ROBO2: variants seen among roughly 807,000 people sequenced by gnomAD.
ROBO2 encodes the protein roundabout homolog 2.
In ROBO2, 53 loss-of-function variants were observed where a neutral mutation model predicts 160.8. The ratio of observed to expected loss-of-function variants is 0.33; its 90% confidence interval spans 0.26 to 0.41. ROBO2 has a LOEUF of 0.41. Among genes scored for constraint, ROBO2 ranks in the 10% least tolerant of loss-of-function variants. The probability of loss-of-function intolerance (pLI) is 1.00; values close to 1 mark genes in which losing one functional copy is unlikely to be tolerated. For synonymous variants in ROBO2, 664 were observed against 611.7 expected (o/e 1.09, Z -1.26); for missense variants, 1,577 against 1,722.4 (o/e 0.92, Z 1.49).
At chr3:77,536,807 T>C (rs1371513535) in intron 6 of ROBO2, among the ~76,000 whole-genome samples, 1 of 152,190 alleles carries the variant, frequency 6.6e-6, no homozygotes, top group Non-Finnish European at 1.5e-5. Flanking sequence ...ATATTTTGCC[T>C]TCAAAAACAA....
intron 2 of ROBO2, among the ~76,000 whole-genome samples, chr3:77,010,889 CCTCT>C (rs1474945127): frequency 7.2e-6 from 1 of 138,582 alleles, no homozygotes; most frequent in Non-Finnish European, 1.6e-5. Context: ...TCCCTCCCTC[CCTCT>C]TTCTTCTCCT....
intron 2 of ROBO2, among the ~76,000 whole-genome samples, chr3:76,770,516 G>A (rs111973667): frequency 6.6e-6 from 1 of 151,240 alleles, no homozygotes; most frequent in East Asian, 2.0e-4. Context: ...GGGTCAGGGC[G>A]ATCTGTGAGT....
rs117689730 is a variant in ROBO2 at position 75,969,385 on chromosome 3, A to G, written c.109+31783A>G. ...TATACTGCAATAAACACGGGAATAC[A>G]GATATATCTTTCATATACTGATTTC... On this transcript the variant is annotated intron_variant, in intron 2 of 26. Transcript: ENST00000487694. Among the ~76,000 whole-genome samples, 1,002 of 151,488 alleles carry G rather than the reference A, an allele frequency of 6.6e-3. 65 individuals are homozygous for G. The East Asian group carries it at 0.17, about 25-fold the overall frequency.
chr3:77,584,932 A>G (rs997892313), intron 16 of ROBO2, among the ~76,000 whole-genome samples: 5 of 149,512 alleles, frequency 3.3e-5, no homozygotes, highest in Non-Finnish European at 7.4e-5. Context: ...ACATATATAT[A>G]CATATATATA....
intron 2 of ROBO2, among the ~76,000 whole-genome samples, chr3:77,306,818 A>G (rs1229470994): frequency 6.6e-6 from 1 of 152,300 alleles, no homozygotes; most frequent in East Asian, 1.9e-4. Flanking sequence ...TGAACTGGAC[A>G]ATCATTCACC....
At chr3:76,851,968 TAGA>T (rs2069447804) in intron 2 of ROBO2, among the ~76,000 whole-genome samples, 1 of 151,910 alleles carries the variant, frequency 6.6e-6, no homozygotes, top group Admixed American at 6.6e-5. Flanking sequence ...TTAGGCTTAA[TAGA>T]AGGAGAGAAA....
intron 1 of ROBO2, among the ~76,000 whole-genome samples, chr3:77,044,148 C>T (rs1341448305): frequency 6.6e-6 from 1 of 150,818 alleles, no homozygotes; most frequent in Non-Finnish European, 1.5e-5. Context: ...TTTCTTAGAA[C>T]ATTAAGCAAA....
At chr3:76,223,456 C>G (rs1302761654) in intron 2 of ROBO2, among the ~76,000 whole-genome samples, 1 of 151,958 alleles carries the variant, frequency 6.6e-6, no homozygotes, top group Non-Finnish European at 1.5e-5. Context: ...GAAGCCACAA[C>G]CACTGAGAGT....
At chr3:76,628,147 T>C (rs2089785283) in intron 2 of ROBO2, among the ~76,000 whole-genome samples, 1 of 152,196 alleles carries the variant, frequency 6.6e-6, no homozygotes, top group East Asian at 1.9e-4. Flanking sequence ...GTAGAATAAG[T>C]GTGCCTGCTA....
chr3:76,122,998 C>T (rs902344891), intron 2 of ROBO2, among the ~76,000 whole-genome samples: 7 of 151,968 alleles, frequency 4.6e-5, no homozygotes, highest in East Asian at 1.9e-4. Flanking sequence ...CTGCCCACCT[C>T]GGCCTCCCAA....
chr3:76,824,875 C>T (rs2066428577), intron 2 of ROBO2, among the ~76,000 whole-genome samples: 1 of 152,124 alleles, frequency 6.6e-6, no homozygotes, highest in Admixed American at 6.6e-5. Flanking sequence ...GTAGCTGTGG[C>T]CTCGGGATAG....
At chr3:75,920,757 G>A (rs536538864) in intron 1 of ROBO2, among the ~76,000 whole-genome samples, 1 of 152,108 alleles carries the variant, frequency 6.6e-6, no homozygotes, top group African/African-American at 2.4e-5. Flanking sequence ...TCTTCTTGTT[G>A]CATTGATCCC....
intron 1 of ROBO2, among the ~76,000 whole-genome samples, chr3:75,913,967 A>G (rs1946706364): frequency 6.6e-6 from 1 of 152,184 alleles, no homozygotes; most frequent in Admixed American, 6.5e-5. Flanking sequence ...AGCCTTTGAA[A>G]TCTTTCTGTA....
intron 2 of ROBO2, among the ~76,000 whole-genome samples, chr3:76,547,791 T>C (rs2083195482): frequency 6.6e-6 from 1 of 152,148 alleles, no homozygotes. Context: ...AAAATCACGT[T>C]ACTCATCTGA....
chr3:77,120,899 G>A (rs989400415), intron 2 of ROBO2, among the ~76,000 whole-genome samples: 1 of 152,060 alleles, frequency 6.6e-6, no homozygotes, highest in African/African-American at 2.4e-5. Context: ...TTTCTTATTA[G>A]TCAGTGTTAT....
chr3:76,843,478 C>T (rs1264621179), intron 2 of ROBO2, among the ~76,000 whole-genome samples: 2 of 151,878 alleles, frequency 1.3e-5, no homozygotes, highest in Admixed American at 1.3e-4. Context: ...GTGACATTTT[C>T]CTGAGCTCAG....
At chr3:76,132,407 G>GGT (rs2071264740) in intron 2 of ROBO2, among the ~76,000 whole-genome samples, 1 of 109,946 alleles carries the variant, frequency 9.1e-6, no homozygotes, top group Admixed American at 9.4e-5. Flanking sequence ...GGGGGGGGGG[G>GGT]GACGCAGATG....
chr3:76,914,887 T>C (rs1442574942), intron 2 of ROBO2, among the ~76,000 whole-genome samples: 1 of 152,160 alleles, frequency 6.6e-6, no homozygotes, highest in East Asian at 1.9e-4. Flanking sequence ...AAGAACAGCA[T>C]CCCATTCTTA....
chr3:76,211,910 C>G (rs1274604173), intron 2 of ROBO2, among the ~76,000 whole-genome samples: 2 of 151,718 alleles, frequency 1.3e-5, no homozygotes, highest in Non-Finnish European at 2.9e-5. Flanking sequence ...TAATAAATTG[C>G]TTTAAACATG....
Sources: allele counts gnomAD v4.1 joint callset (sites outside exome capture counted in the v4.1 genomes callset), GRCh38; gene constraint gnomAD v4.1.1; transcripts MANE v1.5; gene names NCBI Gene and HGNC (gene_info 2026-07-23, HGNC 2026-07-21).